HEMK2: variants seen among roughly 807,000 people sequenced by gnomAD.
The protein encoded by HEMK2 is methyltransferase HEMK2.
the HEMK2 span, among the ~76,000 whole-genome samples, chr21:28,749,164 A>G: frequency 1.3e-5 from 2 of 152,142 alleles, no homozygotes; most frequent in Non-Finnish European, 2.9e-5. Flanking sequence ...CCCTCCCTTT[A>G]TGATTTCTTG....
At chr21:28,874,897 A>C in the HEMK2 span, 1 of 152,180 alleles carries the variant, frequency 6.6e-6, no homozygotes, top group Non-Finnish European at 1.5e-5. Flanking sequence ...CAACAGGGGG[A>C]CTGCTCAAAG....
the HEMK2 span, chr21:28,876,514 A>G: frequency 6.5e-7 from 1 of 1,530,306 alleles, no homozygotes; most frequent in South Asian, 1.2e-5. Flanking sequence ...TCAAAAGGTA[A>G]AATCCATTAA....
At chr21:28,703,481 A>G in the HEMK2 span, among the ~76,000 whole-genome samples, 2 of 152,090 alleles carry the variant, frequency 1.3e-5, no homozygotes, top group African/African-American at 4.8e-5. Flanking sequence ...ACCACATTGG[A>G]AGTCTTGCTT....
chr21:28,785,323 A>C, the HEMK2 span, among the ~76,000 whole-genome samples: 1 of 152,250 alleles, frequency 6.6e-6, no homozygotes, highest in East Asian at 1.9e-4. Context: ...TTTTTAAATC[A>C]GGGATGCTTA....
chr21:28,699,865 A>C, the HEMK2 span, among the ~76,000 whole-genome samples: 4 of 152,232 alleles, frequency 2.6e-5, no homozygotes, highest in Non-Finnish European at 5.9e-5. Context: ...TTTATGTGAC[A>C]AGAATCCTTA....
the HEMK2 span, among the ~76,000 whole-genome samples, chr21:28,682,349 G>C: frequency 3.9e-4 from 59 of 151,724 alleles, no homozygotes; most frequent in African/African-American, 1.3e-3. Context: ...AAACCACAAT[G>C]AGATACCATC....
the HEMK2 span, among the ~76,000 whole-genome samples, chr21:28,828,199 G>T: frequency 6.6e-6 from 1 of 152,162 alleles, no homozygotes; most frequent in African/African-American, 2.4e-5. Flanking sequence ...GACTACAGGT[G>T]ATGGAAACAG....
At chr21:28,601,391 T>A in the HEMK2 span, among the ~76,000 whole-genome samples, 3 of 152,158 alleles carry the variant, frequency 2.0e-5, no homozygotes, top group African/African-American at 7.2e-5. Flanking sequence ...CACCTACTGA[T>A]CTCTCTTCTT....
At chr21:28,798,990 C>T in the HEMK2 span, among the ~76,000 whole-genome samples, 1 of 152,186 alleles carries the variant, frequency 6.6e-6, no homozygotes, top group African/African-American at 2.4e-5. Context: ...AATTTGAGTG[C>T]TGTCCTAAGA....
the HEMK2 span, among the ~76,000 whole-genome samples, chr21:28,723,525 G>A: frequency 3.3e-5 from 5 of 152,120 alleles, no homozygotes; most frequent in African/African-American, 1.2e-4. Context: ...GTTTCCAAGG[G>A]CTTTATTTCT....
At chr21:28,793,173 C>T in the HEMK2 span, among the ~76,000 whole-genome samples, 5 of 152,248 alleles carry the variant, frequency 3.3e-5, no homozygotes, top group East Asian at 7.7e-4. Context: ...AGCAAACATG[C>T]CTTCTGAAGT....
At chr21:28,595,397 AT>A in the HEMK2 span, among the ~76,000 whole-genome samples, 1 of 151,202 alleles carries the variant, frequency 6.6e-6, no homozygotes, top group East Asian at 2.0e-4. Context: ...CAATTGTGTG[AT>A]TTTTAGGTCC....
At chr21:28,697,726 A>G in the HEMK2 span, among the ~76,000 whole-genome samples, 865 of 144,572 alleles carry the variant, frequency 6.0e-3, 9 homozygotes, top group African/African-American at 0.022. Flanking sequence ...AGCCCTCATC[A>G]AAAACAGATG....
At chr21:28,753,451 T>A in the HEMK2 span, among the ~76,000 whole-genome samples, 1 of 152,024 alleles carries the variant, frequency 6.6e-6, no homozygotes, top group South Asian at 2.1e-4. Context: ...CTTTCTTGCA[T>A]ATGGCCAGAA....
At chr21:28,864,585 C>G in the HEMK2 span, among the ~76,000 whole-genome samples, 1 of 152,154 alleles carries the variant, frequency 6.6e-6, no homozygotes, top group Non-Finnish European at 1.5e-5. Flanking sequence ...TCTCCTCAAC[C>G]CGGACCCATA....
At chr21:28,820,921 C>T in the HEMK2 span, among the ~76,000 whole-genome samples, 4 of 152,278 alleles carry the variant, frequency 2.6e-5, no homozygotes, top group East Asian at 7.7e-4. Flanking sequence ...TTTCTCGACA[C>T]GTACATCAAG....
chr21:28,875,670 A>T, the HEMK2 span: 1 of 152,372 alleles, frequency 6.6e-6, no homozygotes, highest in East Asian at 1.9e-4. Flanking sequence ...TGTTGCCTCC[A>T]AAACCCAAAG....
At chr21:28,591,330 A>C in the HEMK2 span, among the ~76,000 whole-genome samples, 1 of 152,186 alleles carries the variant, frequency 6.6e-6, no homozygotes, top group Non-Finnish European at 1.5e-5. Flanking sequence ...TGCTGTTGCC[A>C]ATCCTTGGAA....
chr21:28,617,046 T>C, the HEMK2 span, among the ~76,000 whole-genome samples: 1 of 152,012 alleles, frequency 6.6e-6, no homozygotes, highest in African/African-American at 2.4e-5. Context: ...AAAAAATAAA[T>C]AAATAAACAA....
Sources: gnomAD v4.1 joint callset for allele counts (sites outside exome capture counted in the v4.1 genomes callset) on GRCh38, gnomAD v4.1.1 for gene constraint, MANE v1.5 for transcripts, NCBI Gene and HGNC (gene_info 2026-07-23, HGNC 2026-07-21) for gene names.